The following DMKN variants were observed in gnomAD, a reference collection of about 807,000 sequenced individuals.
DMKN encodes the protein dermokine.
A neutral mutation model predicts 67.6 loss-of-function variants in DMKN; 58 were observed. That is an observed-to-expected ratio of 0.86 (90% CI 0.69 to 1.07). DMKN has a LOEUF of 1.07. Among genes scored for constraint, DMKN ranks in the 50% least tolerant of loss-of-function variants. DMKN has a pLI of 0.00. For missense variants in DMKN, 596 were observed against 601.5 expected (o/e 0.99, Z 0.10); for synonymous variants, 240 against 232.3 (o/e 1.03, Z -0.30).
Position 35,512,583 on chromosome 19 carries a change from A to G in DMKN, c.627+7T>C. 6.2e-7 allele frequency: 1 copy of G among 1,614,032 alleles called. No homozygotes were observed. Reference sequence around the variant, plus strand: ...GTGGCAGGTAGCAGGTCTGGGGGTGACTTTACCTGAGTGTTGGTCCCAAAG... The same window carrying G: ...GTGGCAGGTAGCAGGTCTGGGGGTGGCTTTACCTGAGTGTTGGTCCCAAAG... On this transcript the variant is annotated splice_region_variant and intron_variant, in intron 2 of 15. Transcript: ENST00000339686.
chr19:35,509,563 A>C, intron 7 of DMKN: 9 of 200,852 alleles, frequency 4.5e-5, no homozygotes, highest in East Asian at 1.2e-4. Flanking sequence ...ACTGGGGGGA[A>C]TGTTTTTCCA....
At position 35,509,937 on chromosome 19, in the gene DMKN, G is replaced by C; in HGVS notation, c.1012C>G (p.Arg338Gly). 1 of 1,614,158 alleles carries C rather than the reference G, an allele frequency of 6.2e-7. No individual in the cohort carries two copies. Reference protein sequence around the residue: ...PGCEKPGNEARGSGESGIQNS... With the variant: ...PGCEKPGNEAGGSGESGIQNS... ...TGAATCCCAGATTCCCCGCTCCCGCGGGCTTCATTCCCTGGCTTTTCACAC... is the reference window on the plus strand; with the variant it reads ...TGAATCCCAGATTCCCCGCTCCCGCCGGCTTCATTCCCTGGCTTTTCACAC... Residue 338 changes from arginine to glycine, a missense_variant, in exon 7 of 16, where the codon CGC becomes GGC. By Grantham distance (125) the Arg-to-Gly change is moderately radical. Coordinates refer to ENST00000339686, the MANE Select transcript of DMKN (RefSeq NM_033317.5).
At chr19:35,511,949 C>T (rs2070905801) in intron 3 of DMKN, 136 bp from the exon 4 acceptor site, 5 of 976,122 alleles carry the variant, frequency 5.1e-6, no homozygotes, top group Non-Finnish European at 5.9e-6. Context: ...CCCACCTCCC[C>T]TTCCCATCTG....
At position 35,498,867 on chromosome 19, in the gene DMKN, T is replaced by A. The variant is rs1366104568; in HGVS notation, c.1383+7A>T. On this transcript the variant is annotated splice_region_variant and intron_variant, in intron 14 of 15. Transcript: ENST00000339686. ...CAGCCAGATGAAGATCAGGCCCCCATACTCACCGAGGAAGAAGGTGAGACT... is the reference window on the plus strand; with the variant it reads ...CAGCCAGATGAAGATCAGGCCCCCAAACTCACCGAGGAAGAAGGTGAGACT... 1 of 1,614,010 alleles carries A rather than the reference T, an allele frequency of 6.2e-7. No homozygotes were observed. The highest frequency in any genetic ancestry group is 1.1e-5 in the South Asian group (1 of 91,068).
chr19:35,506,315 G>C (rs1256531853), intron 7 of DMKN: 5 of 931,068 alleles, frequency 5.4e-6, no homozygotes, highest in Non-Finnish European at 7.9e-6. Flanking sequence ...CTATAAAGCT[G>C]CCTTCTCTTC....
At position 35,513,410 on chromosome 19, in the gene DMKN, G is replaced by T. The variant is rs764996302; in HGVS notation, c.66C>A (p.Gly22=). The change falls in exon 1 of 16, where the codon GGC becomes GGA. Residue 22 remains glycine, a synonymous_variant. Transcript: ENST00000339686. ...LALCLGSGEA[G]PLQSGEESTG... ...TGCTTTCCTCTCCGCTCTGCAGGGGGCCAGCCTCCCCACTGCCCAGGCAGA... is the reference window on the plus strand; with the variant it reads ...TGCTTTCCTCTCCGCTCTGCAGGGGTCCAGCCTCCCCACTGCCCAGGCAGA... The T allele has an allele frequency of 1.4e-5, 23 of 1,605,318 alleles. 1 individual carries two copies. In the South Asian group the frequency reaches 2.5e-4, roughly 18 times the overall value.
chr19:35,505,170 T>C (rs1487447051), intron 9 of DMKN, among the ~76,000 whole-genome samples: 1 of 152,020 alleles, frequency 6.6e-6, no homozygotes, highest in Non-Finnish European at 1.5e-5. Context: ...GAGGTGCCTG[T>C]GCTACTCAGG....
Position 35,512,463 on chromosome 19 carries a change from C to T in DMKN, c.642G>A (p.Gln214=). The T allele has an allele frequency of 6.2e-7, 1 of 1,614,186 alleles. No homozygotes were observed. Among genetic ancestry groups the T allele is most frequent in the Non-Finnish European group, 8.5e-7 (1 of 1,180,020 alleles). Residue 214 remains glutamine (Q), a synonymous_variant, in exon 3 of 16, where the codon CAG becomes CAA. Transcript: ENST00000339686. ...TGGCTCTCACTGAACCATAGCCAGG[C>T]TGGGCCACAGCTCCCTGCAGAGAGG... ...FGTNTQGAVA[Q]PGYGSVRASN...
chr19:35,501,571 C>A (rs1233429809), intron 11 of DMKN, among the ~76,000 whole-genome samples: 7 of 152,156 alleles, frequency 4.6e-5, no homozygotes, highest in Admixed American at 6.5e-5. Flanking sequence ...GTCTCAGTGC[C>A]CACGGGTCCT....
chr19:35,509,928 CGCTCCCGCGG>C lies in DMKN; in HGVS notation c.1011_1020del (p.Arg338GlyfsTer36), dbSNP rs1195445216. The C allele has an allele frequency of 6.2e-7, 1 of 1,614,206 alleles. No homozygotes were observed. Among genetic ancestry groups the C allele is most frequent in the Non-Finnish European group, 8.5e-7 (1 of 1,180,032 alleles). On this transcript the variant is annotated frameshift_variant, in exon 7 of 16. Coordinates refer to ENST00000339686, the MANE Select transcript of DMKN (RefSeq NM_033317.5). LOFTEE classifies it high-confidence loss of function. ...GCTCTCACCTGAATCCCAGATTCCC[CGCTCCCGCGG>C]GCTTCATTCCCTGGCTTTTCACACT...
intron 7 of DMKN, chr19:35,508,178 C>G (rs1599988454): frequency 1.3e-6 from 2 of 1,552,052 alleles, no homozygotes; most frequent in East Asian, 2.4e-5. Context: ...GGCACAGTCT[C>G]TGACCCCACA....
intron 9 of DMKN, 102 bp from the exon 10 acceptor site, chr19:35,502,988 G>GACTA (rs1300792862): frequency 7.5e-7 from 1 of 1,325,358 alleles, no homozygotes; most frequent in Non-Finnish European, 1.0e-6. Context: ...ATGTCATTGT[G>GACTA]ACTAAGGTTG....
At chr19:35,512,383 A>T in intron 3 of DMKN, 38 bp downstream of exon 3, 1 of 1,610,342 alleles carries the variant, frequency 6.2e-7, no homozygotes, top group South Asian at 1.1e-5. Context: ...GCCTGCACCC[A>T]GTGGCTTCTT....
chr19:35,506,096 A>C lies in DMKN; in HGVS notation c.1039-110T>G, dbSNP rs746577023. ...GAGGATTGTGTGACACCATGGTCCC[A>C]GCCCAAGGTGGAGTGTTGCCTCCAC... is the stretch of plus-strand genomic sequence containing the variant. On this transcript the variant is annotated intron_variant, in intron 7 of 15. Coordinates refer to ENST00000339686, the MANE Select transcript of DMKN (RefSeq NM_033317.5). 11 of 1,601,446 alleles carry C rather than the reference A, an allele frequency of 6.9e-6. 1 individual carries two copies. In the Admixed American group the frequency reaches 1.7e-4, roughly 25 times the overall value.
At chr19:35,501,868 G>T in intron 11 of DMKN, 1 of 1,586,216 alleles carries the variant, frequency 6.3e-7, no homozygotes, top group South Asian at 1.2e-5. Context: ...GCAGGAGCAG[G>T]AGCAGAGCAG....
At chr19:35,498,969 T>C (rs2067914763) in intron 13 of DMKN, 72 bp from the exon 14 acceptor site, 1 of 1,611,226 alleles carries the variant, frequency 6.2e-7, no homozygotes. Flanking sequence ...TCCACGCTCA[T>C]GAAGGGCCCA....
chr19:35,508,117 C>T (rs117796808), intron 7 of DMKN: 1 of 1,508,420 alleles, frequency 6.6e-7, no homozygotes, highest in South Asian at 1.2e-5. Context: ...GTGGGACCAC[C>T]TGTCTGCCAG....
In DMKN at chr19:35,510,263, A is replaced by C. The variant is rs2070491291; in HGVS notation, c.919-11T>G. 1 of 1,597,832 alleles carries C rather than the reference A, an allele frequency of 6.3e-7. No individual in the cohort carries two copies. The highest frequency in any genetic ancestry group is 1.3e-5 in the African/African-American group (1 of 74,618). The stretch of plus-strand genomic sequence containing the variant: ...GCCGGTGCTGGATCCCTGCAGGGGA[A>C]AGCAAGATTTCAAACGCTGTCCTAA... On this transcript the variant is annotated splice_polypyrimidine_tract_variant and intron_variant, in intron 5 of 15. Transcript: ENST00000339686.
Position 35,511,468 on chromosome 19 carries a change from A to ACCACTGCTGCTG in DMKN, c.860_861insCAGCAGCAGTGG (p.Gly287_Gly288insSerSerSerGly). The ACCACTGCTGCTG allele has an allele frequency of 5.7e-5, 63 of 1,095,942 alleles. No individual in the cohort carries two copies. In the African/African-American group the frequency reaches 9.0e-4, roughly 16 times the overall value. The allele number at this position is 1,095,942 out of a possible 1,614,324, so 67.9% of individuals were successfully genotyped here. ...TGCCACCACTGTTGCCACTGCTGCC[A>ACCACTGCTGCTG]CCACTGCTGCCGCCACTGCTGCCGC... On this transcript the variant is annotated inframe_insertion, in exon 5 of 16. Coordinates refer to ENST00000339686, the MANE Select transcript of DMKN (RefSeq NM_033317.5).
Sources: gnomAD v4.1 joint callset for allele counts (sites outside exome capture counted in the v4.1 genomes callset) on GRCh38, gnomAD v4.1.1 for gene constraint, MANE v1.5 for transcripts, NCBI Gene and HGNC (gene_info 2026-07-23, HGNC 2026-07-21) for gene names.